BARX1: variants seen among roughly 807,000 people sequenced by gnomAD.
BARX1 encodes the protein BARX homeobox 1, also known as homeobox protein BarH-like 1.
Under a neutral mutation model 19.6 loss-of-function variants are expected in BARX1, and 10 were observed. The observed-to-expected ratio is 0.51, with a 90% CI of 0.31 to 0.86. The LOEUF (loss-of-function observed/expected upper bound fraction) is 0.86, where lower values mean the gene tolerates loss of function less well. BARX1 is among the 40% of genes least tolerant of loss of function. The pLI is 0.04. For synonymous variants in BARX1, 177 were observed against 170.0 expected, an observed-to-expected ratio of 1.04 and a Z score of -0.32; for missense variants, 309 against 360.4, an observed-to-expected ratio of 0.86 and a Z score of 1.15.
At chr9:93,952,494 G>A (rs1006663608) in intron 3 of BARX1, among the ~76,000 whole-genome samples, 166 bp from the exon 4 acceptor site, 1 of 152,214 alleles carries the variant, frequency 6.6e-6, no homozygotes, top group African/African-American at 2.4e-5. Context: ...CCTGGGGAGC[G>A]GCCCGGCCTG....
In BARX1 at chr9:93,952,147, C is replaced by A. The variant is rs2297835; in HGVS notation, c.*17G>T. The A allele has an allele frequency of 0.019, 30,608 of 1,602,450 alleles. 1,074 individuals are homozygous for A. Among genetic ancestry groups the A allele is most frequent in the East Asian group, 0.12 (5,507 of 44,750 alleles). Reference sequence around the variant, plus strand: ...CGGGTGGCGCGGGCATCCCAGGCCCCGCACCGTATACCGCCCTCAGTCCTC... The same window carrying A: ...CGGGTGGCGCGGGCATCCCAGGCCCAGCACCGTATACCGCCCTCAGTCCTC... On this transcript the variant is annotated 3_prime_UTR_variant, in exon 4 of 4. Transcript: ENST00000253968.
At chr9:93,953,519 T>A in intron 1 of BARX1, 1 of 365,876 alleles carries the variant, frequency 2.7e-6, no homozygotes, top group Non-Finnish European at 4.8e-6. Context: ...TCGGGGAAAG[T>A]AGAAACCAAA....
Position 93,951,990 on chromosome 9 carries a change from GC to G in BARX1, c.*173del. The stretch of plus-strand genomic sequence containing the variant: ...AGAAGCGCGCTGGGACCTGGGTCTG[GC>G]TTTTGGGTCTGTGTCCTTCCTCGTT... On this transcript the variant is annotated 3_prime_UTR_variant, in exon 4 of 4. Coordinates refer to ENST00000253968, the MANE Select transcript of BARX1 (RefSeq NM_021570.4). 1 of 898,150 alleles carries G rather than the reference GC, an allele frequency of 1.1e-6. No individual in the cohort carries two copies. 55.6% of individuals were successfully genotyped at this position (898,150 alleles called of 1,614,324 possible). A position where few individuals can be genotyped will look rare whatever the true frequency, so the allele number is the denominator to read the frequency against.
chr9:93,952,314 G>T lies in BARX1; in HGVS notation c.615C>A (p.Gly205=). ...MKWKKIVLQG[G]GLESPTKPKG... is the part of the protein sequence containing the mutation. ...TGGGCTTGGTGGGAGACTCCAGGCC[G>T]CCGCCCTGCAGCACCTGCACGGGGG... The change falls in exon 4 of 4, where the codon GGC becomes GGA. Residue 205 remains glycine, a synonymous_variant. Coordinates refer to ENST00000253968, the MANE Select transcript of BARX1 (RefSeq NM_021570.4). 1 of 1,608,960 alleles carries T rather than the reference G, an allele frequency of 6.2e-7. No individual in the cohort carries two copies.
chr9:93,952,513 A>G (rs1829114513), intron 3 of BARX1, among the ~76,000 whole-genome samples, 185 bp from the exon 4 acceptor site: 1 of 152,212 alleles, frequency 6.6e-6, no homozygotes, highest in Non-Finnish European at 1.5e-5. Context: ...TGGGGAGCAT[A>G]AGACTGCCAG....
Position 93,954,990 on chromosome 9 carries a change from CCGCGGCAGCGGCGGCTGCGGG to C in BARX1, c.136_156del (p.Pro46_Ala52del), listed in dbSNP as rs1829144652. 20 of 1,400,176 alleles carry C rather than the reference CCGCGGCAGCGGCGGCTGCGGG, an allele frequency of 1.4e-5. No homozygotes were observed. Among genetic ancestry groups the C allele is most frequent in the East Asian group, 3.2e-5 (1 of 31,406 alleles). 86.7% of individuals were successfully genotyped at this position (1,400,176 alleles called of 1,614,324 possible). ...ACGCCGAACTTCAGCAGCTCGCCCG[CCGCGGCAGCGGCGGCTGCGGG>C]CGCGGCGCCCTTGGGCCCGGGTGGC... On this transcript the variant is annotated inframe_deletion, in exon 1 of 4. Transcript: ENST00000253968.
chr9:93,955,278 T>G lies in BARX1; in HGVS notation c.-132A>C. The G allele has an allele frequency of 1.9e-5, 4 of 212,254 alleles. No homozygotes were observed. Among genetic ancestry groups the G allele is most frequent in the Non-Finnish European group, 2.3e-5 (3 of 130,900 alleles). 13.1% of individuals were successfully genotyped at this position (212,254 alleles called of 1,614,324 possible). A position where few individuals can be genotyped will look rare whatever the true frequency, so the allele number is the denominator to read the frequency against. ...CGCGCGGGCGCCGGCTCATGCCCCC[T>G]CCCCCGCCGGCCGGCCGGGCGGAGG... On this transcript the variant is annotated 5_prime_UTR_variant, in exon 1 of 4. Transcript: ENST00000253968. This position sits in a 1 kb window ranked among gnomAD's most constrained non-coding sequence, Gnocchi z 4.4.
In BARX1 at chr9:93,954,964, C is replaced by T. The variant is rs1431309631; in HGVS notation, c.183G>A (p.Val61=). ...AAAGELLKFG[V]QALLAARPFH... ...AGGGCCGCGCCGCCAGCAGCGCCTG[C>T]ACGCCGAACTTCAGCAGCTCGCCCG... The change falls in exon 1 of 4, where the codon GTG becomes GTA. Residue 61 remains valine (V), a synonymous_variant. Transcript: ENST00000253968. The T allele has an allele frequency of 2.2e-6, 3 of 1,390,942 alleles. No individual in the cohort carries two copies. Among genetic ancestry groups the T allele is most frequent in the Non-Finnish European group, 2.8e-6 (3 of 1,077,228 alleles). The allele number at this position is 1,390,942 out of a possible 1,614,324, so 86.2% of individuals were successfully genotyped here.
intron 1 of BARX1, chr9:93,953,556 G>C (rs1829126658): frequency 3.4e-6 from 1 of 292,566 alleles, no homozygotes; most frequent in African/African-American, 2.2e-5. Flanking sequence ...GTCCTAAGAA[G>C]ATGGCGTTTG....
Position 93,952,194 on chromosome 9 carries a change from G to T in BARX1, c.735C>A (p.Gly245=). The change falls in exon 4 of 4, where the codon GGC becomes GGA. Residue 245 remains glycine (G), a synonymous_variant. Transcript: ENST00000253968. ...KDAEKPAEVP[G]EPSDRSRED is the part of the protein sequence containing the mutation. ...CCTCGCGGCTCCTGTCGCTGGGCTCGCCCGGCACCTCCGCCGGTTTCTCTG... is the reference window on the plus strand; with the variant it reads ...CCTCGCGGCTCCTGTCGCTGGGCTCTCCCGGCACCTCCGCCGGTTTCTCTG... 3 of 1,609,780 alleles carry T rather than the reference G, an allele frequency of 1.9e-6. No homozygotes were observed.
At chr9:93,954,782 CGA>C (rs1365719169) in intron 1 of BARX1, 140 bp downstream of exon 1, 1 of 540,056 alleles carries the variant, frequency 1.9e-6, no homozygotes, top group East Asian at 3.9e-5. Context: ...TGGAGGGCTC[CGA>C]GAGACGGTCC....
At chr9:93,954,890 G>C (rs1371545390) in intron 1 of BARX1, 34 bp downstream of exon 1, 1 of 1,277,242 alleles carries the variant, frequency 7.8e-7, no homozygotes. Context: ...CTCCCGCCAA[G>C]CCCGGCCCGC....
intron 1 of BARX1, 138 bp from the exon 2 acceptor site, chr9:93,953,325 G>T: frequency 3.0e-6 from 3 of 1,001,704 alleles, no homozygotes; most frequent in Non-Finnish European, 4.2e-6. Flanking sequence ...CCTGCCGGTC[G>T]GCGCCGGTGG....
Position 93,951,893 on chromosome 9 carries a change from C to T in BARX1, c.*271G>A, listed in dbSNP as rs576238765. 1,280 of 486,890 alleles carry T rather than the reference C, an allele frequency of 2.6e-3. 6 individuals are homozygous for T. Among genetic ancestry groups the T allele is most frequent in the Non-Finnish European group, 3.5e-3 (942 of 271,220 alleles). 30.2% of individuals were successfully genotyped at this position (486,890 alleles called of 1,614,324 possible). ...GGGGCGTGAATACGCGTGGAGCGCT[C>T]TGCGCCACGGAGCTCAGGGTAGAGA... On this transcript the variant is annotated 3_prime_UTR_variant, in exon 4 of 4. Transcript: ENST00000253968.
intron 1 of BARX1, among the ~76,000 whole-genome samples, chr9:93,953,812 T>C (rs1829128981): frequency 6.6e-6 from 1 of 152,250 alleles, no homozygotes; most frequent in South Asian, 2.1e-4. Context: ...GTGTGCCCGC[T>C]TCAAACGAAT....
At position 93,952,373 on chromosome 9, in the gene BARX1, T is replaced by A. The variant is rs1325052519; in HGVS notation, c.601-45A>T. ...CACCTGGGTGAGCCAGCACGTGGAC[T>A]GGGGACCCCCGAGGAGACTTGAACC... is the stretch of plus-strand genomic sequence containing the variant. On this transcript the variant is annotated intron_variant, in intron 3 of 3. Transcript: ENST00000253968. The A allele has an allele frequency of 3.8e-6, 6 of 1,585,104 alleles. 1 individual carries two copies. Among genetic ancestry groups the A allele is most frequent in the Admixed American group, 3.5e-5 (2 of 57,606 alleles).
At chr9:93,953,245 G>T (rs1829123774) in intron 1 of BARX1, 58 bp from the exon 2 acceptor site, 4 of 1,435,014 alleles carry the variant, frequency 2.8e-6, no homozygotes, top group South Asian at 2.9e-5. Flanking sequence ...TCTGCCCCAG[G>T]GACTGCCGCA....
chr9:93,952,704 G>T, intron 3 of BARX1, 25 bp downstream of exon 3: 1 of 1,609,880 alleles, frequency 6.2e-7, no homozygotes, highest in Non-Finnish European at 8.5e-7. Context: ...AAGCTGAGGG[G>T]TGGGAAGCCA....
Position 93,951,854 on chromosome 9 carries a change from T to G in BARX1, c.*310A>C. ...GGGCAGGCCCCAGACGGGGTGGGGG[T>G]GCAGGCGAGGAGCGGGGCGTGAATA... On this transcript the variant is annotated 3_prime_UTR_variant, in exon 4 of 4. Coordinates refer to ENST00000253968, the MANE Select transcript of BARX1 (RefSeq NM_021570.4). 6 of 318,760 alleles carry G rather than the reference T, an allele frequency of 1.9e-5. No individual in the cohort carries two copies. Among genetic ancestry groups the G allele is most frequent in the South Asian group, 4.9e-5 (1 of 20,376 alleles). The allele number at this position is 318,760 out of a possible 1,614,324, so 19.7% of individuals were successfully genotyped here.
Sources: allele counts gnomAD v4.1 joint callset (sites outside exome capture counted in the v4.1 genomes callset), GRCh38; gene constraint gnomAD v4.1.1; non-coding constraint Gnocchi (gnomAD v3.1); transcripts MANE v1.5; gene names NCBI Gene and HGNC (gene_info 2026-07-23, HGNC 2026-07-21).